Variants in GTF2F2 observed in about 807,000 individuals in gnomAD.
The protein encoded by GTF2F2 is general transcription factor IIF subunit 2, also known as ATP-dependent helicase GTF2F2.
A neutral mutation model predicts 42.2 loss-of-function variants in GTF2F2; 23 were observed. The observed-to-expected ratio is 0.55, with a 90% confidence interval of 0.39 to 0.77. The LOEUF is 0.77. GTF2F2 is among the 30% of genes least tolerant of loss of function. The probability of loss-of-function intolerance (pLI) is 0.00; values close to 1 mark genes in which losing one functional copy is unlikely to be tolerated. For synonymous variants in GTF2F2, 105 were observed against 100.8 expected, an observed-to-expected ratio of 1.04 and a Z score of -0.25; for missense variants, 261 against 287.2, an observed-to-expected ratio of 0.91 and a Z score of 0.66.
intron 1 of GTF2F2, among the ~76,000 whole-genome samples, chr13:45,135,777 G>A (rs1869589562): frequency 6.6e-6 from 1 of 152,236 alleles, no homozygotes; most frequent in African/African-American, 2.4e-5. Flanking sequence ...AATTTGTCAT[G>A]AAAAAATAAT....
intron 5 of GTF2F2, among the ~76,000 whole-genome samples, chr13:45,240,615 G>T (rs1163262378): frequency 2.0e-5 from 3 of 149,244 alleles, no homozygotes; most frequent in African/African-American, 7.4e-5. Flanking sequence ...ATCACCTGAG[G>T]TCAGGAGTTT....
Position 45,221,275 on chromosome 13 carries a change from G to A in GTF2F2, c.386+13770G>A, listed in dbSNP as rs137961197. On this transcript the variant is annotated intron_variant, in intron 5 of 7. Transcript: ENST00000340473. Reference sequence around the variant, plus strand: ...CAAGACACATCTAGTCAATGACCAAGTCCTGTTAGTTGTACCAACACAATA... The same window carrying A: ...CAAGACACATCTAGTCAATGACCAAATCCTGTTAGTTGTACCAACACAATA... 1.7e-3 allele frequency among the ~76,000 whole-genome samples: 259 copies of A among 152,184 alleles called. 1 individual carries two copies. The highest frequency in any genetic ancestry group is 6.0e-3 in the African/African-American group (250 of 41,516).
chr13:45,212,237 G>A (rs1873680569), intron 5 of GTF2F2, among the ~76,000 whole-genome samples: 1 of 152,134 alleles, frequency 6.6e-6, no homozygotes, highest in South Asian at 2.1e-4. Context: ...TGACTGCATA[G>A]TTTTTAGTCA....
At chr13:45,158,766 G>C (rs1870891332) in intron 4 of GTF2F2, among the ~76,000 whole-genome samples, 1 of 152,208 alleles carries the variant, frequency 6.6e-6, no homozygotes, top group Non-Finnish European at 1.5e-5. Flanking sequence ...GCCTAGTATA[G>C]CATTGAGCAC....
At chr13:45,222,506 TATC>T (rs1265681793) in intron 5 of GTF2F2, among the ~76,000 whole-genome samples, 2 of 152,198 alleles carry the variant, frequency 1.3e-5, no homozygotes, top group Non-Finnish European at 2.9e-5. Context: ...TAGTATAACA[TATC>T]ATGATACATA....
chr13:45,223,433 A>C (rs1343003524), intron 5 of GTF2F2, among the ~76,000 whole-genome samples: 1 of 152,158 alleles, frequency 6.6e-6, no homozygotes, highest in Non-Finnish European at 1.5e-5. Context: ...TCGGGTACGC[A>C]CACCAATTTT....
intron 4 of GTF2F2, among the ~76,000 whole-genome samples, chr13:45,162,510 A>C (rs769250328): frequency 6.6e-6 from 1 of 152,226 alleles, no homozygotes; most frequent in African/African-American, 2.4e-5. Flanking sequence ...GACTGACTGC[A>C]GAGATTTAGT....
At chr13:45,146,850 C>T (rs929785082) in intron 2 of GTF2F2, among the ~76,000 whole-genome samples, 1 of 152,100 alleles carries the variant, frequency 6.6e-6, no homozygotes, top group Non-Finnish European at 1.5e-5. Context: ...CAATAATTAG[C>T]ATTTAAAATT....
At position 45,284,072 on chromosome 13, in the gene GTF2F2, CAACGTT is replaced by C. The variant is rs1463530809; in HGVS notation, c.*514_*519del. The C allele has an allele frequency of 1.3e-5, 2 of 152,132 alleles. No individual in the cohort carries two copies. Among genetic ancestry groups the C allele is most frequent in the Non-Finnish European group, 2.9e-5 (2 of 68,038 alleles). 9.4% of individuals were successfully genotyped at this position (152,132 alleles called of 1,614,324 possible). A position where few individuals can be genotyped will look rare whatever the true frequency, so the allele number is the denominator to read the frequency against. ...GGTGATCACGTTTCGTGTTCATACT[CAACGTT>C]AATAAAAGGAGAGAGTTTGTAGTGA... On this transcript the variant is annotated 3_prime_UTR_variant, in exon 8 of 8. Transcript: ENST00000340473.
intron 5 of GTF2F2, among the ~76,000 whole-genome samples, chr13:45,227,838 T>A (rs1874435754): frequency 6.6e-6 from 1 of 152,110 alleles, no homozygotes; most frequent in South Asian, 2.1e-4. Flanking sequence ...GTAAAGTGCA[T>A]GGGGAAATGG....
At chr13:45,173,393 G>A (rs1419320688) in intron 4 of GTF2F2, among the ~76,000 whole-genome samples, 2 of 151,262 alleles carry the variant, frequency 1.3e-5, no homozygotes, top group Non-Finnish European at 3.0e-5. Context: ...GTGTGTGTGT[G>A]TGTATTGTTT....
rs1161627204 is a variant in GTF2F2, at chr13:45,127,938, CTTTTTTTTTTTT to C, written c.66+7237_66+7248del. On this transcript the variant is annotated intron_variant, in intron 1 of 7. Coordinates refer to ENST00000340473, the MANE Select transcript of GTF2F2 (RefSeq NM_004128.3). ...GAGCCACTGTGCCTGGCACCCCGGC[CTTTTTTTTTTTT>C]TTTTTTTTTTTTTTTTTTTCTTTTT... Among the ~76,000 whole-genome samples, 154 of 48,598 alleles carry C rather than the reference CTTTTTTTTTTTT, an allele frequency of 3.2e-3. 1 individual carries two copies. Among genetic ancestry groups the C allele is most frequent in the African/African-American group, 9.9e-3 (119 of 12,072 alleles). The allele number at this position is 48,598 out of a possible 152,430, so 31.9% of individuals were successfully genotyped here.
At chr13:45,185,655 G>T (rs2138162086) in intron 4 of GTF2F2, among the ~76,000 whole-genome samples, 1 of 152,144 alleles carries the variant, frequency 6.6e-6, no homozygotes, top group African/African-American at 2.4e-5. Flanking sequence ...AGTTTGATTA[G>T]CCACTCCATA....
chr13:45,206,022 T>C (rs1369135881), intron 4 of GTF2F2, among the ~76,000 whole-genome samples: 1 of 152,200 alleles, frequency 6.6e-6, no homozygotes, highest in East Asian at 1.9e-4. Flanking sequence ...TTAATTTTAT[T>C]AAAGACTTTA....
At chr13:45,168,999 T>G (rs1871460399) in intron 4 of GTF2F2, among the ~76,000 whole-genome samples, 1 of 146,756 alleles carries the variant, frequency 6.8e-6, no homozygotes, top group Non-Finnish European at 1.5e-5. Context: ...CCTTCCCTCT[T>G]TCCCTCCTTC....
intron 2 of GTF2F2, among the ~76,000 whole-genome samples, chr13:45,138,686 C>T (rs922344983): frequency 1.3e-5 from 2 of 152,202 alleles, no homozygotes; most frequent in Admixed American, 6.5e-5. Context: ...CACTCTGTTG[C>T]CCTTGCTGGA....
intron 6 of GTF2F2, among the ~76,000 whole-genome samples, chr13:45,265,570 A>ATAAT (rs1555272976): frequency 6.6e-6 from 1 of 152,186 alleles, no homozygotes; most frequent in Non-Finnish European, 1.5e-5. Context: ...AAAAATGAAG[A>ATAAT]TGATTGAGTC....
intron 4 of GTF2F2, among the ~76,000 whole-genome samples, chr13:45,155,304 A>G (rs1000967196): frequency 6.6e-6 from 1 of 152,186 alleles, no homozygotes; most frequent in Non-Finnish European, 1.5e-5. Flanking sequence ...TATCTGGGAT[A>G]TTTCTACATT....
At chr13:45,125,041 A>AT (rs1868909244) in intron 1 of GTF2F2, among the ~76,000 whole-genome samples, 1 of 152,250 alleles carries the variant, frequency 6.6e-6, no homozygotes, top group Admixed American at 6.5e-5. Context: ...AGAAAGTTAT[A>AT]TACAAGGGAG....
Sources: allele counts gnomAD v4.1 joint callset (sites outside exome capture counted in the v4.1 genomes callset), GRCh38; gene constraint gnomAD v4.1.1; transcripts MANE v1.5; gene names NCBI Gene and HGNC (gene_info 2026-07-23, HGNC 2026-07-21).